ENOX1: variants seen among roughly 807,000 people sequenced by gnomAD.
The protein encoded by ENOX1 is ecto-NOX disulfide-thiol exchanger 1.
Under a neutral mutation model 82.5 loss-of-function variants are expected in ENOX1, and 42 were observed. The ratio of observed to expected loss-of-function variants is 0.51; its 90% CI spans 0.40 to 0.66. ENOX1 has a LOEUF of 0.66. ENOX1 is among the 30% of genes least tolerant of loss of function. ENOX1 has a pLI of 0.00. For synonymous variants in ENOX1, 271 were observed against 282.2 expected, an observed-to-expected ratio of 0.96 and a Z score of 0.40; for missense variants, 608 against 811.6, an observed-to-expected ratio of 0.75 and a Z score of 3.05.
At chr13:43,393,664 T>C (rs536767511) in intron 5 of ENOX1, among the ~76,000 whole-genome samples, 35 of 152,266 alleles carry the variant, frequency 2.3e-4, no homozygotes, top group African/African-American at 8.2e-4. Context: ...AAGCATGGTC[T>C]TCTAGCACAA....
chr13:43,298,024 A>T (rs1205301662), intron 12 of ENOX1, among the ~76,000 whole-genome samples: 1 of 152,244 alleles, frequency 6.6e-6, no homozygotes, highest in Non-Finnish European at 1.5e-5. Flanking sequence ...AGATTACAAA[A>T]TGCTTGTATC....
intron 2 of ENOX1, among the ~76,000 whole-genome samples, chr13:43,570,288 A>G (rs1481964924): frequency 1.3e-5 from 2 of 152,178 alleles, no homozygotes; most frequent in African/African-American, 4.8e-5. Flanking sequence ...AGGGGTTTGG[A>G]GCTGAAGATG....
chr13:43,727,057 G>A (rs1009728952), intron 1 of ENOX1, among the ~76,000 whole-genome samples: 6 of 152,096 alleles, frequency 3.9e-5, no homozygotes, highest in African/African-American at 1.4e-4. Flanking sequence ...CCAAAGTGAT[G>A]CACCGAAGAA....
chr13:43,330,727 G>C (rs889171942), intron 9 of ENOX1, among the ~76,000 whole-genome samples: 1 of 152,200 alleles, frequency 6.6e-6, no homozygotes, highest in South Asian at 2.1e-4. Context: ...TGACCTTAAG[G>C]GCAGGATAAA....
intron 5 of ENOX1, among the ~76,000 whole-genome samples, chr13:43,369,745 C>T (rs917073857): frequency 6.6e-6 from 1 of 152,212 alleles, no homozygotes; most frequent in Admixed American, 6.5e-5. Context: ...CTAGACAACC[C>T]TCTCTTAAAG....
rs200341389 is a variant in ENOX1 at position 43,306,826 on chromosome 13, AAC to A, written c.1262-8298_1262-8297del. Reference sequence around the variant, plus strand: ...TCTCCTGCTCTACCCTCTACATAGAAACACACACACGCACACACACAGTTATA... The same window carrying A: ...TCTCCTGCTCTACCCTCTACATAGAAACACACACGCACACACACAGTTATA... On this transcript the variant is annotated intron_variant, in intron 11 of 16. Coordinates refer to ENST00000690772, the MANE Select transcript of ENOX1 (RefSeq NM_001347969.2). Among the ~76,000 whole-genome samples the A allele has an allele frequency of 0.026, 614 of 23,608 alleles. 9 individuals carry two copies. In the East Asian group the frequency reaches 0.31, roughly 12 times the overall value. 15.5% of individuals were successfully genotyped at this position (23,608 alleles called of 152,430 possible). A position where few individuals can be genotyped will look rare whatever the true frequency, so the allele number is the denominator to read the frequency against.
At chr13:43,593,138 A>G (rs1224572114) in intron 2 of ENOX1, among the ~76,000 whole-genome samples, 1 of 152,210 alleles carries the variant, frequency 6.6e-6, no homozygotes, top group African/African-American at 2.4e-5. Context: ...CCAGCAGCCT[A>G]GAGTCTGACA....
In ENOX1 at chr13:43,348,350, AAGACATATTTCT is replaced by A. The variant is rs2049535740; in HGVS notation, c.824-3612_824-3601del. ...GGCTAATATGAGAATAAAATTTCCAAAGACATATTTCTAGACATATTTCTGTCTTCTGGTTAC... is the reference window on the plus strand; with the variant it reads ...GGCTAATATGAGAATAAAATTTCCAAAGACATATTTCTGTCTTCTGGTTAC... On this transcript the variant is annotated intron_variant, in intron 8 of 16. Transcript: ENST00000690772. Among the ~76,000 whole-genome samples the A allele has an allele frequency of 3.3e-5, 5 of 152,324 alleles. No individual in the cohort carries two copies. The South Asian group carries it at 1.0e-3, about 32-fold the overall frequency.
rs148044204 is a variant in ENOX1 at position 43,758,114 on chromosome 13, T to C, written c.-285+28538A>G. Among the ~76,000 whole-genome samples, 128 of 152,146 alleles carry C rather than the reference T, an allele frequency of 8.4e-4. 1 individual carries two copies. The highest frequency in any genetic ancestry group is 2.8e-3 in the African/African-American group (115 of 41,482). The stretch of plus-strand genomic sequence containing the variant: ...ACCCAGGTGTGGTGGTGTGTGCCTA[T>C]AATCCCAGCTACTCAAGAGGCTGAG... On this transcript the variant is annotated intron_variant, in intron 1 of 16. Coordinates refer to ENST00000690772, the MANE Select transcript of ENOX1 (RefSeq NM_001347969.2).
chr13:43,606,296 T>C (rs2081972824), intron 2 of ENOX1, among the ~76,000 whole-genome samples: 1 of 152,206 alleles, frequency 6.6e-6, no homozygotes, highest in Non-Finnish European at 1.5e-5. Flanking sequence ...GATTTAGCAA[T>C]GCCACTGTGA....
At chr13:43,783,695 G>A (rs1308021906) in intron 1 of ENOX1, among the ~76,000 whole-genome samples, 7 of 152,216 alleles carry the variant, frequency 4.6e-5, no homozygotes, top group Admixed American at 2.0e-4. Flanking sequence ...TGTTTAATGA[G>A]TGAAAAGGGA....
chr13:43,243,502 G>C (rs1404995216), intron 14 of ENOX1, among the ~76,000 whole-genome samples: 6 of 152,158 alleles, frequency 3.9e-5, no homozygotes, highest in African/African-American at 1.4e-4. Flanking sequence ...TGAGCAGGCT[G>C]GTCTTGAACT....
chr13:43,648,519 T>C lies in ENOX1; in HGVS notation c.-219+18960A>G, dbSNP rs374441558. 1.3e-3 allele frequency among the ~76,000 whole-genome samples: 197 copies of C among 152,066 alleles called. 1 individual carries two copies. Among genetic ancestry groups the C allele is most frequent in the African/African-American group, 4.3e-3 (180 of 41,488 alleles). Reference sequence around the variant, plus strand: ...AGCTGGGGAAACAGAAACCCCAGATTTGGGTGGATGGAAGGCTAAGAAATG... The same window carrying C: ...AGCTGGGGAAACAGAAACCCCAGATCTGGGTGGATGGAAGGCTAAGAAATG... On this transcript the variant is annotated intron_variant, in intron 2 of 16. Coordinates refer to ENST00000690772, the MANE Select transcript of ENOX1 (RefSeq NM_001347969.2).
chr13:43,463,133 G>T (rs1170877150), intron 3 of ENOX1, among the ~76,000 whole-genome samples: 1 of 152,118 alleles, frequency 6.6e-6, no homozygotes, highest in Non-Finnish European at 1.5e-5. Flanking sequence ...GATCCCACAC[G>T]CTAGCAAATG....
intron 3 of ENOX1, among the ~76,000 whole-genome samples, chr13:43,475,588 A>G (rs1482331141): frequency 6.6e-6 from 1 of 152,144 alleles, no homozygotes; most frequent in Non-Finnish European, 1.5e-5. Flanking sequence ...AAACGAAATC[A>G]TATTTGAGAA....
intron 3 of ENOX1, among the ~76,000 whole-genome samples, chr13:43,423,611 T>C (rs1005561491): frequency 1.3e-5 from 2 of 152,204 alleles, no homozygotes; most frequent in South Asian, 2.1e-4. Flanking sequence ...TCCTAAGAGT[T>C]CACCGTTCTC....
intron 1 of ENOX1, among the ~76,000 whole-genome samples, chr13:43,674,611 C>T (rs2085420877): frequency 6.6e-6 from 1 of 151,970 alleles, no homozygotes; most frequent in South Asian, 2.1e-4. Flanking sequence ...AGGCAGAGGG[C>T]AGAAGATTTT....
chr13:43,342,537 T>C (rs146869668), intron 9 of ENOX1, among the ~76,000 whole-genome samples: 4 of 152,214 alleles, frequency 2.6e-5, no homozygotes, highest in African/African-American at 7.2e-5. Context: ...GGAGACAGGA[T>C]CTTGCTGGTC....
chr13:43,315,812 A>G (rs2153521604), intron 11 of ENOX1, among the ~76,000 whole-genome samples: 1 of 152,316 alleles, frequency 6.6e-6, no homozygotes, highest in South Asian at 2.1e-4. Context: ...CAAGCCTGCT[A>G]CAGAAACAGG....
Sources: allele counts gnomAD v4.1 joint callset (sites outside exome capture counted in the v4.1 genomes callset), GRCh38; gene constraint gnomAD v4.1.1; transcripts MANE v1.5; gene names NCBI Gene and HGNC (gene_info 2026-07-23, HGNC 2026-07-21).